The following CELSR1 variants were observed in gnomAD, a reference collection of about 807,000 sequenced individuals.
The protein encoded by CELSR1 is cadherin EGF LAG seven-pass G-type receptor 1, also known as adhesion G protein-coupled receptor C1.
In CELSR1, 110 loss-of-function variants were observed where a neutral mutation model predicts 249.1. The ratio of observed to expected loss-of-function variants is 0.44; its 90% CI spans 0.38 to 0.52. The LOEUF is 0.52. CELSR1 is among the 20% of genes least tolerant of loss of function. CELSR1 has a pLI of 0.00. For missense variants in CELSR1, 4,109 were observed against 4,296.4 expected (o/e 0.96, Z 1.22); for synonymous variants, 2,113 against 1,900.0 (o/e 1.11, Z -2.92).
Position 46,423,653 on chromosome 22 carries a change from T to C in CELSR1, c.4611+9740A>G, listed in dbSNP as rs1053815545. ...TCCATGCTTTAGGCAGTTTATGACC[T>C]TGAAAAAGCTATCCGATGAGCACTA... On this transcript the variant is annotated intron_variant, in intron 5 of 34. Coordinates refer to ENST00000674500, the MANE Select transcript of CELSR1 (RefSeq NM_001378328.1). The surrounding 1 kb of genome is among the most constrained non-coding windows in gnomAD (Gnocchi z 5.6). Among the ~76,000 whole-genome samples the C allele has an allele frequency of 1.1e-4, 17 of 148,964 alleles. No homozygotes were observed. The highest frequency in any genetic ancestry group is 2.2e-4 in the Non-Finnish European group (15 of 67,548).
chr22:46,444,207 G>C (rs557894686), intron 2 of CELSR1, among the ~76,000 whole-genome samples: 1 of 152,238 alleles, frequency 6.6e-6, no homozygotes, highest in Non-Finnish European at 1.5e-5. Context: ...TGGAAGATTC[G>C]GCTTCTCACC....
In CELSR1 at chr22:46,430,259, C is replaced by A. The variant is rs978286806; in HGVS notation, c.4611+3134G>T. 1.3e-5 allele frequency among the ~76,000 whole-genome samples: 2 copies of A among 152,236 alleles called. No individual in the cohort carries two copies. Among genetic ancestry groups the A allele is most frequent in the African/African-American group, 4.8e-5 (2 of 41,460 alleles). Reference sequence around the variant, plus strand: ...CACCAATGCTTCCACCCTCTCCAGACTGCTGTATGCTGAATTTTTTCAAGT... The same window carrying A: ...CACCAATGCTTCCACCCTCTCCAGAATGCTGTATGCTGAATTTTTTCAAGT... On this transcript the variant is annotated intron_variant, in intron 5 of 34. Transcript: ENST00000674500. The surrounding 1 kb of genome is among the most constrained non-coding windows in gnomAD (Gnocchi z 4.6).
chr22:46,501,199 ATTTTTTTTTTT>A (rs57293109), intron 1 of CELSR1, among the ~76,000 whole-genome samples: 1 of 108,556 alleles, frequency 9.2e-6, no homozygotes. Context: ...TGCCCGGCTA[ATTTTTTTTTTT>A]TTTTTTTTTT....
At chr22:46,449,966 A>ACACACACTCACATGCT (rs2079864649) in intron 2 of CELSR1, among the ~76,000 whole-genome samples, 2 of 152,280 alleles carry the variant, frequency 1.3e-5, no homozygotes, top group Middle Eastern at 3.4e-3. Context: ...TCACATGCTC[A>ACACACACTCACATGCT]CACACACTCA....
Position 46,429,759 on chromosome 22 carries a change from G to C in CELSR1, c.4611+3634C>G, listed in dbSNP as rs374181438. Among the ~76,000 whole-genome samples the C allele has an allele frequency of 8.5e-5, 13 of 152,190 alleles. No homozygotes were observed. The highest frequency in any genetic ancestry group is 2.9e-4 in the African/African-American group (12 of 41,450). ...GTCCCTGGTTAGCTGTGCCCCTCCT[G>C]GGTGGTCCGCAGCCCTCTCCTGTGG... On this transcript the variant is annotated intron_variant, in intron 5 of 34. Coordinates refer to ENST00000674500, the MANE Select transcript of CELSR1 (RefSeq NM_001378328.1). This position sits in a 1 kb window ranked among gnomAD's most constrained non-coding sequence, Gnocchi z 4.1.
In CELSR1 at chr22:46,378,650, C is replaced by T. The variant is rs759702821; in HGVS notation, c.7324G>A (p.Ala2442Thr). Residue 2442 changes from alanine to threonine, a missense_variant, in exon 23 of 35, where the codon GCC becomes ACC. Transcript: ENST00000674500. ...ELLSRNRTHV[A>T]CQCSHTASFA... Reference sequence around the variant, plus strand: ...CTGGCTGTGTGGCTGCACTGGCAGGCGACATGTGTCCGGTTCCTGGACAGG... The same window carrying T: ...CTGGCTGTGTGGCTGCACTGGCAGGTGACATGTGTCCGGTTCCTGGACAGG... The T allele has an allele frequency of 4.4e-6, 7 of 1,607,506 alleles. No individual in the cohort carries two copies. Among genetic ancestry groups the T allele is most frequent in the African/African-American group, 1.3e-5 (1 of 75,004 alleles).
rs1022675412 is a variant in CELSR1, at chr22:46,536,503, G to C, written c.668C>G (p.Pro223Arg). The C allele has an allele frequency of 6.5e-7, 1 of 1,541,848 alleles. No homozygotes were observed. The highest frequency in any genetic ancestry group is 8.7e-7 in the Non-Finnish European group (1 of 1,148,176). Residue 223 changes from proline (P) to arginine (R), a missense_variant, in exon 1 of 35, where the codon CCC becomes CGC. By Grantham distance (103) the Pro-to-Arg change is moderately radical. Transcript: ENST00000674500. ...SPSPPLPPNLPEARAGPARRA... is the reference protein window; with the variant it reads ...SPSPPLPPNLREARAGPARRA... ...TCGCGCCGGCCCCGCCCGGGCTTCG[G>C]GCAAGTTCGGCGGCAGGGGCGGCGA...
At chr22:46,474,539 A>G (rs1468267502) in intron 1 of CELSR1, among the ~76,000 whole-genome samples, 1 of 152,198 alleles carries the variant, frequency 6.6e-6, no homozygotes, top group African/African-American at 2.4e-5. Context: ...AAGTGTATTT[A>G]ATATATCCAT....
intron 1 of CELSR1, among the ~76,000 whole-genome samples, chr22:46,489,888 C>T (rs967103976): frequency 2.8e-5 from 3 of 108,094 alleles, no homozygotes; most frequent in Non-Finnish European, 5.5e-5. Flanking sequence ...ATCAAGACTC[C>T]TTCTCAAAAA....
At chr22:46,368,594 G>A (rs1487818871) in intron 27 of CELSR1, among the ~76,000 whole-genome samples, 1 of 150,446 alleles carries the variant, frequency 6.6e-6, no homozygotes, top group African/African-American at 2.5e-5. Context: ...CAGGTCACCA[G>A]GGGCTGGCCT....
intron 5 of CELSR1, among the ~76,000 whole-genome samples, chr22:46,420,411 C>T (rs558309501): frequency 3.3e-5 from 5 of 152,122 alleles, no homozygotes; most frequent in Non-Finnish European, 5.9e-5. Flanking sequence ...TACACGTGTG[C>T]TTCTTCACAC....
In CELSR1 at chr22:46,517,046, G is replaced by A. The variant is rs2080635204; in HGVS notation, c.3544+16581C>T. On this transcript the variant is annotated intron_variant, in intron 1 of 34. Coordinates refer to ENST00000674500, the MANE Select transcript of CELSR1 (RefSeq NM_001378328.1). This position sits in a 1 kb window ranked among gnomAD's most constrained non-coding sequence, Gnocchi z 5.4. ...CTGGGCTCATCCACTTCCTGAGGCT[G>A]GTGACTCTGGGGGAAGAATCCAGAG... is the stretch of plus-strand genomic sequence containing the variant. Among the ~76,000 whole-genome samples, 1 of 152,244 alleles carries A rather than the reference G, an allele frequency of 6.6e-6. No homozygotes were observed. The highest frequency in any genetic ancestry group is 6.5e-5 in the Admixed American group (1 of 15,290).
In CELSR1 at chr22:46,488,881, G is replaced by T. The variant is rs1157054467; in HGVS notation, c.3545-24536C>A. 6.6e-6 allele frequency among the ~76,000 whole-genome samples: 1 copy of T among 151,934 alleles called. No individual in the cohort carries two copies. Among genetic ancestry groups the T allele is most frequent in the Non-Finnish European group, 1.5e-5 (1 of 67,992 alleles). On this transcript the variant is annotated intron_variant, in intron 1 of 34. Transcript: ENST00000674500. The surrounding 1 kb of genome is among the most constrained non-coding windows in gnomAD (Gnocchi z 4.7). ...TCACCGTGTTAGCCAGGATGGTCTC[G>T]ATCTCCTGACCTCATGATCCGCCTG...
In CELSR1 at chr22:46,534,095, G is replaced by T. The variant is rs751965651; in HGVS notation, c.3076C>A (p.Pro1026Thr). 2 of 1,613,712 alleles carry T rather than the reference G, an allele frequency of 1.2e-6. No individual in the cohort carries two copies. Among genetic ancestry groups the T allele is most frequent in the South Asian group, 1.1e-5 (1 of 91,076 alleles). The change falls in exon 1 of 35, where the codon CCT (proline) becomes ACT (threonine). Residue 1026 changes from proline to threonine, a missense_variant. Pro to Thr is a conservative substitution (Grantham distance 38, BLOSUM62 -1). Around this residue, in one of 7 missense-constraint regions of CELSR1, gnomAD observed 886 missense variants for 896.5 expected, o/e 0.99. Transcript: ENST00000674500. This position sits in a 1 kb window ranked among gnomAD's most constrained non-coding sequence, Gnocchi z 9.7. ...ATCTGGGCATTAGGGCCTTCATCAG[G>T]GTCGTTAGCACGAATCTTTGCCACC... ...SVVAKIRAND[P>T]DEGPNAQIMY... is the part of the protein sequence containing the mutation.
In CELSR1 at chr22:46,363,842, GCCTCCCC is replaced by G; in HGVS notation, c.9035+147_9035+153del. 9.8e-7 allele frequency: 1 copy of G among 1,021,454 alleles called. No homozygotes were observed. Among genetic ancestry groups the G allele is most frequent in the Non-Finnish European group, 1.4e-6 (1 of 728,934 alleles). 63.3% of individuals were successfully genotyped at this position (1,021,454 alleles called of 1,614,324 possible). On this transcript the variant is annotated intron_variant, in intron 34 of 34. Coordinates refer to ENST00000674500, the MANE Select transcript of CELSR1 (RefSeq NM_001378328.1). This position sits in a 1 kb window ranked among gnomAD's most constrained non-coding sequence, Gnocchi z 4.3. Reference sequence around the variant, plus strand: ...GTATCCTCCTGACCTCAGCTGCAGCGCCTCCCCCCTCCCCCATCCCCGCCTGGGCTTC... The same window carrying G: ...GTATCCTCCTGACCTCAGCTGCAGCGCCTCCCCCATCCCCGCCTGGGCTTC...
intron 2 of CELSR1, among the ~76,000 whole-genome samples, chr22:46,451,378 A>G (rs1182520354): frequency 6.6e-6 from 1 of 152,226 alleles, no homozygotes; most frequent in East Asian, 1.9e-4. Flanking sequence ...AAATTCCCAG[A>G]TGATCTCCAG....
At position 46,364,660 on chromosome 22, in the gene CELSR1, G is replaced by A. The variant is rs779584918; in HGVS notation, c.8631C>T (p.Ser2877=). ...TCTCCACCTTCAGGCGGGGCTTGCC[G>A]CTGGGGTCCTCACTGTCACTCTCAG... ...SLAESDSEDP[S]GKPRLKVETK... is the part of the protein sequence containing the mutation. Residue 2877 remains serine (S), a synonymous_variant, in exon 33 of 35, where the codon AGC becomes AGT. Transcript: ENST00000674500. 22 of 1,612,538 alleles carry A rather than the reference G, an allele frequency of 1.4e-5. No individual in the cohort carries two copies. The highest frequency in any genetic ancestry group is 2.2e-5 in the East Asian group (1 of 44,888).
chr22:46,491,170 C>A (rs1471088764), intron 1 of CELSR1, among the ~76,000 whole-genome samples: 1 of 136,382 alleles, frequency 7.3e-6, no homozygotes, highest in Non-Finnish European at 1.6e-5. Context: ...ACTGTGACAA[C>A]CGAAACATCT....
chr22:46,534,837 G>A lies in CELSR1; in HGVS notation c.2334C>T (p.Asn778=), dbSNP rs989534345. Residue 778 remains asparagine, a synonymous_variant, in exon 1 of 35, where the codon AAC becomes AAT. Transcript: ENST00000674500. The surrounding 1 kb of genome is among the most constrained non-coding windows in gnomAD (Gnocchi z 9.7). The part of the protein sequence containing the change: ...TRSHTAHVLI[N]VTDANTHRPV... ...GCCTGTGGGTGTTGGCATCAGTGAC[G>A]TTGATTAGGACATGCGCAGTGTGCG... The A allele has an allele frequency of 6.8e-6, 11 of 1,612,900 alleles. No individual in the cohort carries two copies. Among genetic ancestry groups the A allele is most frequent in the African/African-American group, 2.7e-5 (2 of 74,926 alleles).
Sources: gnomAD v4.1 joint callset for allele counts (sites outside exome capture counted in the v4.1 genomes callset) on GRCh38, gnomAD v4.1.1 for gene constraint, gnomAD v4.1.1 regional missense constraint, Gnocchi (gnomAD v3.1) non-coding constraint, MANE v1.5 for transcripts, NCBI Gene and HGNC (gene_info 2026-07-23, HGNC 2026-07-21) for gene names.